PINX1: variants seen among roughly 807,000 people sequenced by gnomAD.
PINX1 encodes PIN2/TERF1-interacting telomerase inhibitor 1.
PINX1 carries 34 observed loss-of-function variants against 25.4 expected under a neutral mutation model. That is an observed-to-expected ratio of 1.34 (90% CI 1.02 to 1.78). The LOEUF (loss-of-function observed/expected upper bound fraction) is 1.78, where lower values mean the gene tolerates loss of function less well. Ranked by LOEUF, PINX1 falls within the 40% of genes most tolerant of loss-of-function variation. The pLI, the probability that PINX1 is intolerant of heterozygous loss-of-function variation, is 0.00. For missense variants in PINX1, 592 were observed against 404.9 expected, an observed-to-expected ratio of 1.46 and a Z score of -3.97; for synonymous variants, 197 against 147.7, an observed-to-expected ratio of 1.33 and a Z score of -2.42.
rs761897419 is a variant in PINX1 at position 10,834,744 on chromosome 8, A to G, written c.51T>C (p.Pro17=). The change falls in exon 2 of 7, where the codon CCT becomes CCC. Residue 17 remains proline (P), a synonymous_variant. Coordinates refer to ENST00000314787, the MANE Select transcript of PINX1 (RefSeq NM_017884.6). Reference sequence around the variant, plus strand: ...CGTCATTACTCCAGGCAGTGTTCTGAGGATCCACAGCCCACTTCTGCTTCC... The same window carrying G: ...CGTCATTACTCCAGGCAGTGTTCTGGGGATCCACAGCCCACTTCTGCTTCC... ...RRRKQKWAVD[P]QNTAWSNDDS... 63 of 1,613,714 alleles carry G rather than the reference A, an allele frequency of 3.9e-5. 2 individuals carry two copies. The South Asian group carries it at 6.0e-4, about 15-fold the overall frequency.
intron 6 of PINX1, among the ~76,000 whole-genome samples, chr8:10,812,068 C>G (rs1797540532): frequency 6.6e-6 from 1 of 152,128 alleles, no homozygotes; most frequent in African/African-American, 2.4e-5. Context: ...AACACCCTAC[C>G]CAAGGTGAAG....
chr8:10,791,837 T>G (rs940308872), intron 6 of PINX1, among the ~76,000 whole-genome samples: 1 of 152,226 alleles, frequency 6.6e-6, no homozygotes, highest in Non-Finnish European at 1.5e-5. Flanking sequence ...CCTGTGGTGC[T>G]GCCGCGGTTC....
chr8:10,791,492 C>G (rs765396846), intron 6 of PINX1, among the ~76,000 whole-genome samples: 1 of 152,152 alleles, frequency 6.6e-6, no homozygotes, highest in Non-Finnish European at 1.5e-5. Flanking sequence ...ACCCCTCGGA[C>G]CACCAACAAT....
At chr8:10,806,095 AGGGGGTG>A (rs1802442589) in intron 6 of PINX1, among the ~76,000 whole-genome samples, 1 of 65,090 alleles carries the variant, frequency 1.5e-5, no homozygotes. Flanking sequence ...ACTAGTGCTG[AGGGGGTG>A]ACGGAGCACA....
chr8:10,824,388 C>T (rs1419347587), intron 5 of PINX1, among the ~76,000 whole-genome samples: 2 of 152,172 alleles, frequency 1.3e-5, no homozygotes, highest in Non-Finnish European at 2.9e-5. Context: ...CCTACGTAGG[C>T]CCAGTCTGCA....
intron 1 of PINX1, among the ~76,000 whole-genome samples, chr8:10,835,269 G>C (rs902834780): frequency 1.3e-5 from 2 of 152,202 alleles, no homozygotes; most frequent in Admixed American, 6.5e-5. Context: ...ATAATATTCA[G>C]TTTTCACAGT....
At chr8:10,813,852 G>C (rs1257530565) in intron 6 of PINX1, among the ~76,000 whole-genome samples, 1 of 150,520 alleles carries the variant, frequency 6.6e-6, no homozygotes, top group African/African-American at 2.4e-5. Context: ...GCTCAATCCG[G>C]AAACAAGCTG....
At chr8:10,776,168 G>A (rs1801386921) in intron 6 of PINX1, among the ~76,000 whole-genome samples, 1 of 152,162 alleles carries the variant, frequency 6.6e-6, no homozygotes, top group African/African-American at 2.4e-5. Context: ...GCTCACACCT[G>A]TAAACCCAGC....
chr8:10,836,945 C>G (rs1288869618), intron 1 of PINX1, among the ~76,000 whole-genome samples: 2 of 122,612 alleles, frequency 1.6e-5, no homozygotes, highest in Non-Finnish European at 1.7e-5. Flanking sequence ...CTGAGCTGTT[C>G]CAATTGGATC....
At chr8:10,815,416 T>C (rs764445616) in intron 6 of PINX1, among the ~76,000 whole-genome samples, 1 of 152,252 alleles carries the variant, frequency 6.6e-6, no homozygotes, top group East Asian at 1.9e-4. Context: ...GCACATTCTT[T>C]ACTTGGCATA....
chr8:10,781,369 C>T (rs1357581982), intron 6 of PINX1, among the ~76,000 whole-genome samples: 1 of 152,164 alleles, frequency 6.6e-6, no homozygotes, highest in African/African-American at 2.4e-5. Flanking sequence ...AACTAAAAAG[C>T]TTCTGCACAG....
chr8:10,796,716 A>C (rs1432694334), intron 6 of PINX1, among the ~76,000 whole-genome samples: 1 of 151,566 alleles, frequency 6.6e-6, no homozygotes. Context: ...GCTTTCCTCA[A>C]CTTATACTAA....
At chr8:10,766,611 T>C (rs900278614) in intron 6 of PINX1, among the ~76,000 whole-genome samples, 5 of 151,640 alleles carry the variant, frequency 3.3e-5, no homozygotes, top group Non-Finnish European at 7.4e-5. Flanking sequence ...GGGTGGGGAG[T>C]AGAGAAATGC....
chr8:10,775,972 A>G (rs1801380051), intron 6 of PINX1, among the ~76,000 whole-genome samples: 2 of 152,118 alleles, frequency 1.3e-5, no homozygotes, highest in African/African-American at 4.8e-5. Flanking sequence ...CTCCCCTCAA[A>G]TCCCCTTGTA....
intron 6 of PINX1, chr8:10,771,239 G>C (rs530190255): frequency 6.6e-6 from 1 of 152,292 alleles, no homozygotes; most frequent in African/African-American, 2.4e-5. Context: ...AGGGATTGTG[G>C]AGACCCCACC....
chr8:10,807,638 T>C (rs1381304917), intron 6 of PINX1, among the ~76,000 whole-genome samples: 1 of 152,070 alleles, frequency 6.6e-6, no homozygotes, highest in African/African-American at 2.4e-5. Context: ...AGGACTAAAA[T>C]AAGAACTGCA....
At chr8:10,784,189 G>C (rs1277355724) in intron 6 of PINX1, among the ~76,000 whole-genome samples, 2 of 152,172 alleles carry the variant, frequency 1.3e-5, no homozygotes, top group African/African-American at 4.8e-5. Flanking sequence ...TAGCAGGGAG[G>C]ACACAGGGGA....
rs1467031939 is a variant in PINX1, at chr8:10,765,601, C to A, written c.787G>T (p.Gly263Cys). Reference protein sequence around the residue: ...KSAPAEEQLRGPCWDQSSKAS... With the variant: ...KSAPAEEQLRCPCWDQSSKAS... ...TTGGAACTCTGGTCCCAGCAGGGGCCTCTGAGCTGCTCTTCTGCTGGCGCG... is the reference window on the plus strand; with the variant it reads ...TTGGAACTCTGGTCCCAGCAGGGGCATCTGAGCTGCTCTTCTGCTGGCGCG... The change falls in exon 7 of 7, where the codon GGC (glycine) becomes TGC (cysteine). Residue 263 changes from glycine to cysteine, a missense_variant. Coordinates refer to ENST00000314787, the MANE Select transcript of PINX1 (RefSeq NM_017884.6). 82 of 1,613,648 alleles carry A rather than the reference C, an allele frequency of 5.1e-5. No individual in the cohort carries two copies. Among genetic ancestry groups the A allele is most frequent in the Non-Finnish European group, 6.8e-5 (80 of 1,179,866 alleles).
At chr8:10,782,779 T>C (rs933624808) in intron 6 of PINX1, among the ~76,000 whole-genome samples, 2 of 141,948 alleles carry the variant, frequency 1.4e-5, no homozygotes, top group African/African-American at 6.0e-5. Flanking sequence ...TGGGTAGAAA[T>C]GGAAAATTTG....
Sources: gnomAD v4.1 joint callset for allele counts (sites outside exome capture counted in the v4.1 genomes callset) on GRCh38, gnomAD v4.1.1 for gene constraint, MANE v1.5 for transcripts, NCBI Gene and HGNC (gene_info 2026-07-23, HGNC 2026-07-21) for gene names.